Variants in ARHGEF3 observed in about 807,000 individuals in gnomAD.
The protein encoded by ARHGEF3 is 59.8 kDA protein.
Under a neutral mutation model 63.2 loss-of-function variants are expected in ARHGEF3, and 28 were observed. The ratio of observed to expected loss-of-function variants is 0.44; its 90% CI spans 0.33 to 0.61. The LOEUF is 0.61. ARHGEF3 is among the 20% of genes least tolerant of loss of function. ARHGEF3 has a pLI of 0.03. For missense variants in ARHGEF3, 533 were observed against 659.3 expected, an observed-to-expected ratio of 0.81 and a Z score of 2.10; for synonymous variants, 266 against 254.2, an observed-to-expected ratio of 1.05 and a Z score of -0.44.
At chr3:56,746,252 C>T (rs946009594) in intron 6 of ARHGEF3, among the ~76,000 whole-genome samples, 42 of 152,296 alleles carry the variant, frequency 2.8e-4, no homozygotes, top group Admixed American at 7.8e-4. Flanking sequence ...CCTTGTAACA[C>T]CTGCTCTTCA....
At chr3:57,059,445 CA>C (rs1705101580) in intron 1 of ARHGEF3, among the ~76,000 whole-genome samples, 1 of 136,836 alleles carries the variant, frequency 7.3e-6, no homozygotes, top group South Asian at 2.2e-4. Context: ...ACATGTTAGA[CA>C]AGCTTGGCCT....
At chr3:57,018,041 G>A (rs931458355) in intron 2 of ARHGEF3, among the ~76,000 whole-genome samples, 6 of 152,212 alleles carry the variant, frequency 3.9e-5, no homozygotes, top group Non-Finnish European at 8.8e-5. Flanking sequence ...CACTTTGGGA[G>A]CCCAAGGCAG....
At chr3:56,935,377 CA>C (rs2042533693) in intron 3 of ARHGEF3, among the ~76,000 whole-genome samples, 1 of 152,154 alleles carries the variant, frequency 6.6e-6, no homozygotes, top group Non-Finnish European at 1.5e-5. Flanking sequence ...TGGGTGGGGC[CA>C]GATAAGAGAA....
At chr3:56,919,466 G>A (rs548682393) in intron 3 of ARHGEF3, among the ~76,000 whole-genome samples, 1 of 152,222 alleles carries the variant, frequency 6.6e-6, no homozygotes, top group African/African-American at 2.4e-5. Context: ...ATCTTTCCCT[G>A]TCACGCACAT....
intron 3 of ARHGEF3, among the ~76,000 whole-genome samples, chr3:56,911,548 G>C (rs2041852926): frequency 6.6e-6 from 1 of 152,038 alleles, no homozygotes; most frequent in South Asian, 2.1e-4. Flanking sequence ...CTCTGACCTT[G>C]CCCGCTCCGA....
chr3:56,970,892 C>G (rs1005174929), intron 2 of ARHGEF3, among the ~76,000 whole-genome samples: 14 of 152,336 alleles, frequency 9.2e-5, no homozygotes, highest in Admixed American at 9.2e-4. Flanking sequence ...ATCTCTGATT[C>G]CTAGTTCCTC....
Position 56,729,065 on chromosome 3 carries a change from G to T in ARHGEF3, c.*205C>A. Reference sequence around the variant, plus strand: ...CAGACACTTGGGAAATACAACACAGGGTAATAGTTGCCACAGATTCCAGCT... The same window carrying T: ...CAGACACTTGGGAAATACAACACAGTGTAATAGTTGCCACAGATTCCAGCT... On this transcript the variant is annotated 3_prime_UTR_variant, in exon 10 of 10. Transcript: ENST00000296315. The T allele has an allele frequency of 1.8e-6, 1 of 558,516 alleles. No homozygotes were observed. The highest frequency in any genetic ancestry group is 3.2e-6 in the Non-Finnish European group (1 of 316,922). The allele number at this position is 558,516 out of a possible 1,614,324, so 34.6% of individuals were successfully genotyped here.
At chr3:56,874,964 T>C (rs890044069) in intron 4 of ARHGEF3, among the ~76,000 whole-genome samples, 1 of 152,202 alleles carries the variant, frequency 6.6e-6, no homozygotes, top group Admixed American at 6.5e-5. Flanking sequence ...GCACAGAGCA[T>C]ATGAATGCTT....
At chr3:56,999,738 AC>A (rs1702117074) in intron 2 of ARHGEF3, among the ~76,000 whole-genome samples, 1 of 152,204 alleles carries the variant, frequency 6.6e-6, no homozygotes, top group East Asian at 1.9e-4. Flanking sequence ...TCCAGGCTAC[AC>A]TGAGCTATGA....
intron 7 of ARHGEF3, among the ~76,000 whole-genome samples, chr3:56,744,839 C>G (rs947046768): frequency 6.6e-6 from 1 of 151,888 alleles, no homozygotes; most frequent in African/African-American, 2.4e-5. Flanking sequence ...AGTTTTGGGG[C>G]TAGGCTAAAA....
intron 3 of ARHGEF3, among the ~76,000 whole-genome samples, chr3:56,900,486 C>T (rs1337091445): frequency 1.3e-5 from 2 of 151,922 alleles, no homozygotes; most frequent in East Asian, 3.9e-4. Context: ...TATAAATTAG[C>T]CAGGCATGGT....
At chr3:56,968,330 A>AT (rs1420724968) in intron 2 of ARHGEF3, among the ~76,000 whole-genome samples, 832 of 55,454 alleles carry the variant, frequency 0.015, 65 homozygotes, top group African/African-American at 0.045. Flanking sequence ...TTTTATATAT[A>AT]TATAATATAT....
intron 4 of ARHGEF3, among the ~76,000 whole-genome samples, chr3:56,881,916 C>T (rs897258735): frequency 1.9e-4 from 29 of 152,222 alleles, no homozygotes; most frequent in African/African-American, 7.0e-4. Context: ...TTGGGCCATC[C>T]GGCTGCCTGA....
chr3:56,803,348 AG>A (rs2037743522), upstream of ARHGEF3, among the ~76,000 whole-genome samples: 1 of 152,092 alleles, frequency 6.6e-6, no homozygotes, highest in African/African-American at 2.4e-5. Flanking sequence ...CTGAGGTGGG[AG>A]GATCACTTGA....
At chr3:56,914,315 T>G (rs2041931262) in intron 3 of ARHGEF3, among the ~76,000 whole-genome samples, 2 of 152,220 alleles carry the variant, frequency 1.3e-5, no homozygotes, top group South Asian at 4.1e-4. Context: ...TATTTGTACA[T>G]TCATGTTCAT....
chr3:56,774,469 T>G (rs1207567948), intron 1 of ARHGEF3, among the ~76,000 whole-genome samples: 1 of 152,314 alleles, frequency 6.6e-6, no homozygotes, highest in South Asian at 2.1e-4. Context: ...GTTTCTATAC[T>G]ATATATAGCC....
intron 8 of ARHGEF3, 58 bp downstream of exon 8, chr3:56,737,127 C>CA: frequency 6.8e-7 from 1 of 1,475,710 alleles, no homozygotes; most frequent in Non-Finnish European, 9.2e-7. Context: ...GGCTCCACAC[C>CA]AAATGAATTA....
intron 2 of ARHGEF3, among the ~76,000 whole-genome samples, chr3:56,756,270 A>G (rs1400408099): frequency 6.6e-6 from 1 of 152,140 alleles, no homozygotes; most frequent in Non-Finnish European, 1.5e-5. Flanking sequence ...GTGCTCCAAA[A>G]CCACATTGTT....
chr3:56,916,824 G>A (rs6445838), intron 3 of ARHGEF3, among the ~76,000 whole-genome samples: 108,651 of 152,082 alleles, frequency 0.71, 39,219 homozygotes, highest in South Asian at 0.84. Context: ...TGATCTACTT[G>A]AACTTTACCC....
Sources: allele counts gnomAD v4.1 joint callset (sites outside exome capture counted in the v4.1 genomes callset), GRCh38; gene constraint gnomAD v4.1.1; transcripts MANE v1.5; gene names NCBI Gene and HGNC (gene_info 2026-07-23, HGNC 2026-07-21).